PRDM16: variants seen among roughly 807,000 people sequenced by gnomAD.
PRDM16 encodes histone-lysine N-methyltransferase PRDM16.
A neutral mutation model predicts 110.6 loss-of-function variants in PRDM16; 23 were observed. The ratio of observed to expected loss-of-function variants is 0.21; its 90% CI spans 0.15 to 0.29. PRDM16 has a LOEUF of 0.29. PRDM16 is among the 10% of genes least tolerant of loss of function. PRDM16 has a pLI of 1.00. For missense variants in PRDM16, 1,615 were observed against 1,794.3 expected (o/e 0.90, Z 1.81); for synonymous variants, 799 against 781.8 (o/e 1.02, Z -0.37).
chr1:3,325,815 T>C (rs913076529), intron 3 of PRDM16, among the ~76,000 whole-genome samples: 5 of 152,138 alleles, frequency 3.3e-5, no homozygotes, highest in Non-Finnish European at 7.4e-5. Flanking sequence ...TTGGTCCTCT[T>C]TGGCCATCTT....
intron 1 of PRDM16, among the ~76,000 whole-genome samples, chr1:3,156,398 TA>T (rs1232555974): frequency 6.6e-6 from 1 of 152,172 alleles, no homozygotes; most frequent in African/African-American, 2.4e-5. Context: ...CCTGCGGAGG[TA>T]AAAGTAGCCA....
intron 3 of PRDM16, among the ~76,000 whole-genome samples, chr1:3,280,327 C>T (rs1181423260): frequency 6.6e-6 from 1 of 152,244 alleles, no homozygotes; most frequent in Admixed American, 6.5e-5. Context: ...AGCCCAGTGG[C>T]TGTCTCAGGG....
intron 1 of PRDM16, among the ~76,000 whole-genome samples, chr1:3,073,572 A>G (rs1641818348): frequency 6.6e-6 from 1 of 152,062 alleles, no homozygotes; most frequent in Admixed American, 6.5e-5. Context: ...GAGCGAAGCC[A>G]GCTGGCTGGG....
chr1:3,268,284 T>C (rs1001141430), intron 3 of PRDM16, among the ~76,000 whole-genome samples: 1 of 152,224 alleles, frequency 6.6e-6, no homozygotes, highest in Non-Finnish European at 1.5e-5. Context: ...GGCAGAGTCT[T>C]TGTCAGGCTC....
chr1:3,321,810 A>G (rs1362400159), intron 3 of PRDM16, among the ~76,000 whole-genome samples: 1 of 136,948 alleles, frequency 7.3e-6, no homozygotes, highest in African/African-American at 2.8e-5. Flanking sequence ...GCGTGTGTGT[A>G]GGTGCACATG....
chr1:3,246,106 C>A lies in PRDM16; in HGVS notation c.438+1969C>A, dbSNP rs1639785048. Among the ~76,000 whole-genome samples the A allele has an allele frequency of 6.6e-6, 1 of 152,184 alleles. No homozygotes were observed. Among genetic ancestry groups the A allele is most frequent in the African/African-American group, 2.4e-5 (1 of 41,450 alleles). On this transcript the variant is annotated intron_variant, in intron 3 of 16. Transcript: ENST00000270722. This position sits in a 1 kb window ranked among gnomAD's most constrained non-coding sequence, Gnocchi z 5.2. ...GAGGCAAGTGCTGGCTGCTTCTGAA[C>A]CAGAACGAACTAGGACAGAAGGAGG...
At chr1:3,161,701 G>A (rs929429169) in intron 1 of PRDM16, among the ~76,000 whole-genome samples, 7 of 152,202 alleles carry the variant, frequency 4.6e-5, no homozygotes, top group Non-Finnish European at 1.0e-4. Context: ...GCCCGGCCGC[G>A]GGAGCCTCGA....
At chr1:3,226,693 G>A (rs1639295319) in intron 2 of PRDM16, among the ~76,000 whole-genome samples, 1 of 152,166 alleles carries the variant, frequency 6.6e-6, no homozygotes, top group Non-Finnish European at 1.5e-5. Flanking sequence ...TGAAGGCCAT[G>A]CCAACTGCAG....
rs2100692081 is a variant in PRDM16, at chr1:3,425,509, C to A, written c.2940-72C>A. The A allele has an allele frequency of 6.5e-7, 1 of 1,534,704 alleles. No individual in the cohort carries two copies. ...GGGGCAGGGGCGCGGGCTCCCTTCC[C>A]CCCACCCTCTGTGGCCCGGCCTGCC... On this transcript the variant is annotated intron_variant, in intron 12 of 16. Coordinates refer to ENST00000270722, the MANE Select transcript of PRDM16 (RefSeq NM_022114.4). This position sits in a 1 kb window ranked among gnomAD's most constrained non-coding sequence, Gnocchi z 6.9.
intron 1 of PRDM16, among the ~76,000 whole-genome samples, chr1:3,097,262 C>T (rs1309336265): frequency 1.3e-5 from 2 of 152,208 alleles, no homozygotes; most frequent in East Asian, 3.9e-4. Context: ...TCCGTGTGAC[C>T]TGCCTCGGAC....
At chr1:3,317,534 C>T (rs1454086722) in intron 3 of PRDM16, among the ~76,000 whole-genome samples, 1 of 148,762 alleles carries the variant, frequency 6.7e-6, no homozygotes, top group African/African-American at 2.6e-5. Context: ...CGCCCTCCTT[C>T]CATCCAGACC....
intron 1 of PRDM16, among the ~76,000 whole-genome samples, chr1:3,180,057 C>T (rs1644132351): frequency 6.6e-6 from 1 of 152,162 alleles, no homozygotes; most frequent in African/African-American, 2.4e-5. Flanking sequence ...CTTAGGTTTT[C>T]TGAAATGTGA....
chr1:3,358,661 C>T lies in PRDM16; in HGVS notation c.439-26491C>T, dbSNP rs1004502010. Reference sequence around the variant, plus strand: ...CCGATTGGAACACGACACAGACCATCCTTCCCAGAGCAGCAGGCCGGCTGG... The same window carrying T: ...CCGATTGGAACACGACACAGACCATTCTTCCCAGAGCAGCAGGCCGGCTGG... On this transcript the variant is annotated intron_variant, in intron 3 of 16. Transcript: ENST00000270722. The surrounding 1 kb of genome is among the most constrained non-coding windows in gnomAD (Gnocchi z 4.0). Among the ~76,000 whole-genome samples, 2 of 152,162 alleles carry T rather than the reference C, an allele frequency of 1.3e-5. No individual in the cohort carries two copies. Among genetic ancestry groups the T allele is most frequent in the African/African-American group, 4.8e-5 (2 of 41,436 alleles).
At chr1:3,426,373 C>T in intron 14 of PRDM16, 148 bp downstream of exon 14, 4 of 589,422 alleles carry the variant, frequency 6.8e-6, no homozygotes, top group Admixed American at 3.5e-5. Context: ...GAGGGTGAGG[C>T]CCCTGGGCTC....
At chr1:3,105,125 C>T (rs538373784) in intron 1 of PRDM16, among the ~76,000 whole-genome samples, 11 of 152,140 alleles carry the variant, frequency 7.2e-5, no homozygotes, top group South Asian at 4.1e-4. Flanking sequence ...AGGGCCATCC[C>T]CCCAAGTAGT....
intron 1 of PRDM16, among the ~76,000 whole-genome samples, chr1:3,152,654 G>A (rs1643797851): frequency 6.6e-6 from 1 of 152,236 alleles, no homozygotes; most frequent in Non-Finnish European, 1.5e-5. Flanking sequence ...CTAAGAGCAA[G>A]GGCCAGTGGC....
At chr1:3,367,633 G>C (rs960350724) in intron 3 of PRDM16, among the ~76,000 whole-genome samples, 1 of 152,178 alleles carries the variant, frequency 6.6e-6, no homozygotes, top group African/African-American at 2.4e-5. Context: ...TGGTTCCCTA[G>C]GTTCACAAGG....
At position 3,129,360 on chromosome 1, in the gene PRDM16, CGTGGGTGAGTGT is replaced by C. The variant is rs562841549; in HGVS notation, c.38-56757_38-56746del. Among the ~76,000 whole-genome samples the C allele has an allele frequency of 3.9e-3, 488 of 125,018 alleles. 4 individuals are homozygous for C. The highest frequency in any genetic ancestry group is 0.017 in the African/African-American group (474 of 27,536). 82.0% of individuals were successfully genotyped at this position (125,018 alleles called of 152,430 possible). On this transcript the variant is annotated intron_variant, in intron 1 of 16. Transcript: ENST00000270722. ...CTGCCTGGTTGTGTGTGTGTGCGCA[CGTGGGTGAGTGT>C]GTGGGTGCGTGTGCACGTGTGTGTG...
In PRDM16 at chr1:3,301,936, G is replaced by A. The variant is rs115296856; in HGVS notation, c.438+57799G>A. ...CATCTGGCGCGTGTTGGTCACCGGG[G>A]GACTGCTGACTTAGCTCCAGCAGAA... On this transcript the variant is annotated intron_variant, in intron 3 of 16. Transcript: ENST00000270722. 5.8e-3 allele frequency among the ~76,000 whole-genome samples: 886 copies of A among 152,288 alleles called. 9 individuals are homozygous for A. Among genetic ancestry groups the A allele is most frequent in the African/African-American group, 0.019 (795 of 41,550 alleles).
Sources: allele counts gnomAD v4.1 joint callset (sites outside exome capture counted in the v4.1 genomes callset), GRCh38; gene constraint gnomAD v4.1.1; non-coding constraint Gnocchi (gnomAD v3.1); transcripts MANE v1.5; gene names NCBI Gene and HGNC (gene_info 2026-07-23, HGNC 2026-07-21).